ATP8B4: variants seen among roughly 807,000 people sequenced by gnomAD.
The protein encoded by ATP8B4 is probable phospholipid-transporting ATPase IM.
A neutral mutation model predicts 145.6 loss-of-function variants in ATP8B4; 133 were observed. That is an observed-to-expected ratio of 0.91 (90% CI 0.79 to 1.05). The LOEUF is 1.05. Ranked by LOEUF, ATP8B4 falls within the 50% of genes least tolerant of loss-of-function variation. The probability of loss-of-function intolerance (pLI) is 0.00; values close to 1 mark genes in which losing one functional copy is unlikely to be tolerated. For missense variants in ATP8B4, 1,458 were observed against 1,425.2 expected, an observed-to-expected ratio of 1.02 and a Z score of -0.37; for synonymous variants, 507 against 492.9, an observed-to-expected ratio of 1.03 and a Z score of -0.38.
At position 49,860,372 on chromosome 15, in the gene ATP8B4, T is replaced by C; in HGVS notation, c.3401A>G (p.His1134Arg). The C allele has an allele frequency of 1.2e-6, 2 of 1,614,156 alleles. No individual in the cohort carries two copies. Among genetic ancestry groups the C allele is most frequent in the Non-Finnish European group, 1.7e-6 (2 of 1,180,004 alleles). Residue 1134 changes from histidine to arginine, a missense_variant, in exon 28 of 28, where the codon CAC becomes CGC. By Grantham distance (29) the His-to-Arg change is conservative (BLOSUM62 0). Transcript: ENST00000284509. ...GATAAGCTCTCCATAGCCTTCTTGGTGAGCAAAAGCATATCCAGACCTTCT... is the reference window on the plus strand; with the variant it reads ...GATAAGCTCTCCATAGCCTTCTTGGCGAGCAAAAGCATATCCAGACCTTCT... The part of the protein sequence containing the change: ...SSRRSGYAFA[H>R]QEGYGELITS...
chr15:50,064,412 C>T (rs1258484982), intron 3 of ATP8B4, among the ~76,000 whole-genome samples: 3 of 152,112 alleles, frequency 2.0e-5, no homozygotes, highest in African/African-American at 7.2e-5. Context: ...ACTCTGATTG[C>T]TGTCCTCTGC....
At chr15:49,974,081 C>CTTTTTTTT (rs5812500) in intron 12 of ATP8B4, among the ~76,000 whole-genome samples, 4 of 126,722 alleles carry the variant, frequency 3.2e-5, no homozygotes, top group Non-Finnish European at 4.9e-5. Context: ...TATCATTTGT[C>CTTTTTTTT]TTTTTTTTTT....
chr15:49,861,440 GTCTGTCTGTCTGTCTA>G (rs2031747345), intron 27 of ATP8B4, among the ~76,000 whole-genome samples: 1 of 146,832 alleles, frequency 6.8e-6, no homozygotes, highest in Admixed American at 6.7e-5. Flanking sequence ...CTGTCTGTCT[GTCTGTCTGTCTGTCTA>G]TCTATCTATC....
chr15:50,174,110 C>CT (rs2044728319), intron 1 of ATP8B4, among the ~76,000 whole-genome samples: 1 of 152,148 alleles, frequency 6.6e-6, no homozygotes. Flanking sequence ...ATGATTAAAA[C>CT]TTTCAGCAAA....
At chr15:49,921,518 C>G (rs2040256531) in intron 17 of ATP8B4, among the ~76,000 whole-genome samples, 1 of 152,138 alleles carries the variant, frequency 6.6e-6, no homozygotes, top group Admixed American at 6.5e-5. Flanking sequence ...GGGAAATGCT[C>G]AAAAACTCCC....
rs2055833142 is a variant in ATP8B4 at position 50,094,573 on chromosome 15, TGTATATAC to T, written c.28+12358_28+12365del. Among the ~76,000 whole-genome samples, 3 of 149,398 alleles carry T rather than the reference TGTATATAC, an allele frequency of 2.0e-5. No homozygotes were observed. The South Asian group carries it at 6.2e-4, about 31-fold the overall frequency. On this transcript the variant is annotated intron_variant, in intron 2 of 27. Transcript: ENST00000284509. ...ATATACACCTATATACAAATATAGG[TGTATATAC>T]ACATATATACAAATATACACATATA...
intron 8 of ATP8B4, among the ~76,000 whole-genome samples, chr15:50,000,060 A>G (rs1260958682): frequency 6.6e-6 from 1 of 152,174 alleles, no homozygotes; most frequent in African/African-American, 2.4e-5. Context: ...GTAGTATTCC[A>G]TGGTATGGAT....
At chr15:49,964,622 T>C (rs12906877) in intron 13 of ATP8B4, among the ~76,000 whole-genome samples, 33,367 of 152,154 alleles carry the variant, frequency 0.22, 4,821 homozygotes, top group Non-Finnish European at 0.31. Flanking sequence ...CATTATAAAT[T>C]ATAACAGCAT....
chr15:50,044,534 A>G (rs2051569991), intron 5 of ATP8B4, 60 bp downstream of exon 5: 1 of 1,195,868 alleles, frequency 8.4e-7, no homozygotes, highest in Non-Finnish European at 1.2e-6. Flanking sequence ...TTCATTATCT[A>G]TTTCTGAGAA....
intron 7 of ATP8B4, among the ~76,000 whole-genome samples, chr15:50,005,711 C>T (rs1474795004): frequency 6.6e-6 from 1 of 152,174 alleles, no homozygotes; most frequent in African/African-American, 2.4e-5. Flanking sequence ...ACTTCTGATC[C>T]CAAAATGTAT....
At chr15:50,111,054 T>C (rs972491043) in intron 1 of ATP8B4, among the ~76,000 whole-genome samples, 8 of 152,194 alleles carry the variant, frequency 5.3e-5, no homozygotes, top group African/African-American at 1.9e-4. Context: ...ATATTGAAGA[T>C]ACCAAGACCT....
chr15:50,167,225 T>G (rs2044608733), intron 1 of ATP8B4, among the ~76,000 whole-genome samples: 1 of 152,212 alleles, frequency 6.6e-6, no homozygotes, highest in African/African-American at 2.4e-5. Context: ...AGGGCTACTG[T>G]AACAAATCAC....
rs77695841 is a variant in ATP8B4, at chr15:49,893,174, A to G, written c.2697+4118T>C. On this transcript the variant is annotated intron_variant, in intron 23 of 27. Transcript: ENST00000284509. Reference sequence around the variant, plus strand: ...AGATGTCAGATGTGAGAATACATGTATATGCATCTTGGAGTCAAATATAGT... The same window carrying G: ...AGATGTCAGATGTGAGAATACATGTGTATGCATCTTGGAGTCAAATATAGT... Among the ~76,000 whole-genome samples the G allele has an allele frequency of 3.9e-5, 6 of 152,368 alleles. No individual in the cohort carries two copies. In the East Asian group the frequency reaches 9.6e-4, roughly 24 times the overall value.
intron 3 of ATP8B4, among the ~76,000 whole-genome samples, chr15:50,052,538 AG>A (rs2052269571): frequency 6.6e-6 from 1 of 152,232 alleles, no homozygotes; most frequent in African/African-American, 2.4e-5. Flanking sequence ...AAGAGGGAGA[AG>A]GGCAAAGATG....
intron 17 of ATP8B4, chr15:49,922,375 TA>T (rs1410062220): frequency 2.9e-5 from 13 of 446,902 alleles, no homozygotes; most frequent in Admixed American, 7.4e-5. Flanking sequence ...TTGTGTTCAT[TA>T]AAAAAAATTT....
chr15:50,181,550 G>C (rs1171805416), intron 1 of ATP8B4, among the ~76,000 whole-genome samples: 1 of 152,178 alleles, frequency 6.6e-6, no homozygotes, highest in Admixed American at 6.5e-5. Flanking sequence ...CAGGTGGTGC[G>C]GTGTAGCACT....
At chr15:50,027,321 G>A (rs937594287) in intron 6 of ATP8B4, among the ~76,000 whole-genome samples, 7 of 151,982 alleles carry the variant, frequency 4.6e-5, no homozygotes, top group Middle Eastern at 6.8e-3. Flanking sequence ...CCATGTGTCC[G>A]TAGCATCTAG....
intron 10 of ATP8B4, among the ~76,000 whole-genome samples, chr15:49,981,861 T>C (rs1457737220): frequency 1.3e-5 from 2 of 152,288 alleles, no homozygotes; most frequent in East Asian, 3.9e-4. Flanking sequence ...ACAAGAACTG[T>C]CTTAAATGTT....
intron 7 of ATP8B4, among the ~76,000 whole-genome samples, chr15:50,005,266 T>A (rs8041864): frequency 6.6e-6 from 1 of 152,054 alleles, no homozygotes; most frequent in East Asian, 1.9e-4. Flanking sequence ...TCAGAAGGAA[T>A]CTGAAAAGAA....
Sources: gnomAD v4.1 joint callset for allele counts (sites outside exome capture counted in the v4.1 genomes callset) on GRCh38, gnomAD v4.1.1 for gene constraint, MANE v1.5 for transcripts, NCBI Gene and HGNC (gene_info 2026-07-23, HGNC 2026-07-21) for gene names.